The following ARHGEF40 variants were observed in gnomAD, a reference collection of about 807,000 sequenced individuals.
The protein encoded by ARHGEF40 is Rho guanine nucleotide exchange factor (GEF) 40.
In ARHGEF40, 98 loss-of-function variants were observed where a neutral mutation model predicts 165.9. That is an observed-to-expected ratio of 0.59 (90% CI 0.50 to 0.70). The LOEUF is 0.70. ARHGEF40 is among the 30% of genes least tolerant of loss of function. The pLI is 0.00. For missense variants in ARHGEF40, 1,815 were observed against 1,968.0 expected (o/e 0.92, Z 1.47); for synonymous variants, 792 against 814.3 (o/e 0.97, Z 0.47).
intron 11 of ARHGEF40, among the ~76,000 whole-genome samples, chr14:21,080,236 ACACACACACACACC>A (rs1276143253): frequency 4.3e-5 from 5 of 116,616 alleles, no homozygotes; most frequent in African/African-American, 1.5e-4. Context: ...ACACACACAC[ACACACACACACACC>A]CCTTCTGTAC....
chr14:21,073,301 A>G lies in ARHGEF40; in HGVS notation c.201+59A>G. The G allele has an allele frequency of 6.6e-7, 1 of 1,525,144 alleles. No individual in the cohort carries two copies. Among genetic ancestry groups the G allele is most frequent in the Non-Finnish European group, 8.9e-7 (1 of 1,128,762 alleles). 94.5% of individuals were successfully genotyped at this position (1,525,144 alleles called of 1,614,324 possible). A position where few individuals can be genotyped will look rare whatever the true frequency, so the allele number is the denominator to read the frequency against. ...CAAGATCCACTGCCACACTCTACAG[A>G]CTAGCCAGGCTGACTAATGCCCCCA... On this transcript the variant is annotated intron_variant, in intron 2 of 23. Transcript: ENST00000298694. The surrounding 1 kb of genome is among the most constrained non-coding windows in gnomAD (Gnocchi z 4.6).
chr14:21,081,661 C>T lies in ARHGEF40; in HGVS notation c.2793C>T (p.Ser931=). Residue 931 remains serine (S), a synonymous_variant, in exon 14 of 24, where the codon AGC becomes AGT. Transcript: ENST00000298694. ...GGGCCCTGGCCCTGGACCTGGGCAG[C>T]CCAGCAGCCCTGCGAGAATGGGGCC... is the stretch of plus-strand genomic sequence containing the variant. The part of the protein sequence containing the change: ...EMRALALDLG[S]PAALREWGRC... The T allele has an allele frequency of 1.2e-6, 2 of 1,603,336 alleles. No individual in the cohort carries two copies. Among genetic ancestry groups the T allele is most frequent in the Non-Finnish European group, 8.5e-7 (1 of 1,175,502 alleles).
rs780548792 is a variant in ARHGEF40, at chr14:21,081,797, G to A, written c.2929G>A (p.Gly977Arg). 89 of 1,599,476 alleles carry A rather than the reference G, an allele frequency of 5.6e-5. No individual in the cohort carries two copies. Among genetic ancestry groups the A allele is most frequent in the Non-Finnish European group, 7.3e-5 (86 of 1,174,408 alleles). Residue 977 changes from glycine (G) to arginine (R), a missense_variant, in exon 14 of 24, where the codon GGG becomes AGG. Gly to Arg is a moderately radical substitution (Grantham distance 125). Coordinates refer to ENST00000298694, the MANE Select transcript of ARHGEF40 (RefSeq NM_018071.5). ...RRRADGASSG[G>R]AQWGPRSPSP... ...GCGGGCAGACGGTGCCAGCAGTGGA[G>A]GGGCCCAGTGGGGGCCCCGCAGCCC...
At position 21,083,865 on chromosome 14, in the gene ARHGEF40, C is replaced by G. The variant is rs754364408; in HGVS notation, c.3604C>G (p.Arg1202Gly). The G allele has an allele frequency of 2.5e-6, 4 of 1,613,910 alleles. No individual in the cohort carries two copies. Among genetic ancestry groups the G allele is most frequent in the East Asian group, 2.2e-5 (1 of 44,872 alleles). The change falls in exon 17 of 24, where the codon CGA becomes GGA. Residue 1202 changes from arginine to glycine, a missense_variant. Coordinates refer to ENST00000298694, the MANE Select transcript of ARHGEF40 (RefSeq NM_018071.5). ...GSMEAGPYLPRALQQPLEQLT... is the reference protein window; with the variant it reads ...GSMEAGPYLPGALQQPLEQLT... ...CATGGAGGCTGGCCCTTACCTGCCCCGAGCCCTGCAGCAGCCTCTGGAACA... is the reference window on the plus strand; with the variant it reads ...CATGGAGGCTGGCCCTTACCTGCCCGGAGCCCTGCAGCAGCCTCTGGAACA...
intron 16 of ARHGEF40, among the ~76,000 whole-genome samples, chr14:21,083,204 G>A (rs1888067180): frequency 6.6e-6 from 1 of 152,142 alleles, no homozygotes; most frequent in South Asian, 2.1e-4. Context: ...GAGGATCTAA[G>A]CATCAGAAGA....
At position 21,080,751 on chromosome 14, in the gene ARHGEF40, T is replaced by C. The variant is rs376127692; in HGVS notation, c.2465T>C (p.Leu822Pro). The C allele has an allele frequency of 6.2e-6, 10 of 1,609,320 alleles. No homozygotes were observed. In the African/African-American group the frequency reaches 6.7e-5, roughly 11 times the overall value. ...TTGTCTGCCCTGCAGGAGACAGAGC[T>C]GCGATTCCGTGCTTTCAGCGCTGAG... ...DTLSALQETE[L>P]RFRAFSAEVQ... is the part of the protein sequence containing the mutation. The change falls in exon 12 of 24, where the codon CTG (leucine) becomes CCG (proline). Residue 822 changes from leucine (L) to proline (P), a missense_variant. By Grantham distance (98) the Leu-to-Pro change is moderately conservative. Coordinates refer to ENST00000298694, the MANE Select transcript of ARHGEF40 (RefSeq NM_018071.5).
rs377357188 is a variant in ARHGEF40, at chr14:21,074,379, C to A, written c.649C>A (p.Leu217Ile). Residue 217 changes from leucine (L) to isoleucine (I), a missense_variant, in exon 3 of 24, where the codon CTT becomes ATT. Leu to Ile is a conservative substitution (Grantham distance 5, BLOSUM62 2). Coordinates refer to ENST00000298694, the MANE Select transcript of ARHGEF40 (RefSeq NM_018071.5). The surrounding 1 kb of genome is among the most constrained non-coding windows in gnomAD (Gnocchi z 4.8). ...SGPPGLPSPP[L>I]PEEALGTRSP... ...ACCTCCAGGGCTTCCCAGCCCTCCA[C>A]TTCCTGAGGAGGCGCTGGGTACCCG... is the stretch of plus-strand genomic sequence containing the variant. 111 of 1,613,804 alleles carry A rather than the reference C, an allele frequency of 6.9e-5. No individual in the cohort carries two copies. Among genetic ancestry groups the A allele is most frequent in the Non-Finnish European group, 9.2e-5 (108 of 1,179,952 alleles).
chr14:21,064,647 A>C, the ARHGEF40 span, among the ~76,000 whole-genome samples: 22 of 152,334 alleles, frequency 1.4e-4, no homozygotes, highest in Admixed American at 1.4e-3. Context: ...AATTATACTT[A>C]TGCGTGGAAA....
chr14:21,086,805 G>T (rs1888368203), intron 19 of ARHGEF40, 196 bp from the exon 20 acceptor site: 1 of 556,522 alleles, frequency 1.8e-6, no homozygotes, highest in Non-Finnish European at 3.2e-6. Flanking sequence ...TATCTGAGGA[G>T]GAAGTCACAC....
At chr14:21,071,978 T>C (rs771138859) in intron 1 of ARHGEF40, among the ~76,000 whole-genome samples, 2 of 152,106 alleles carry the variant, frequency 1.3e-5, no homozygotes, top group African/African-American at 2.4e-5. Context: ...TTTTGTTTTA[T>C]GGCAAAGGCA....
At chr14:21,071,662 T>C (rs1227312324) in intron 1 of ARHGEF40, among the ~76,000 whole-genome samples, 1 of 143,474 alleles carries the variant, frequency 7.0e-6, no homozygotes, top group South Asian at 2.6e-4. Context: ...CGCTCAGCCA[T>C]GAGCTCACCG....
At position 21,078,948 on chromosome 14, in the gene ARHGEF40, C is replaced by G; in HGVS notation, c.2311C>G (p.Arg771Gly). 1 of 1,614,126 alleles carries G rather than the reference C, an allele frequency of 6.2e-7. No individual in the cohort carries two copies. The highest frequency in any genetic ancestry group is 8.5e-7 in the Non-Finnish European group (1 of 1,179,976). Residue 771 changes from arginine to glycine, a missense_variant, in exon 11 of 24, where the codon CGC becomes GGC. Coordinates refer to ENST00000298694, the MANE Select transcript of ARHGEF40 (RefSeq NM_018071.5). Reference protein sequence around the residue: ...EVDEAIHQLVRLSNLHVQQQE... With the variant: ...EVDEAIHQLVGLSNLHVQQQE... ...GGACGAGGCCATTCACCAGCTTGTG[C>G]GCCTCTCCAACCTGCACGTGCAGCA...
In ARHGEF40 at chr14:21,088,186, T is replaced by C. The variant is rs574233030; in HGVS notation, c.4518+88T>C. ...TTCTGATCATTCAACCCCAGGGGGG[T>C]TGGGGGAAAACTGTGAACTTGTGCT... On this transcript the variant is annotated intron_variant, in intron 22 of 23. Transcript: ENST00000298694. 31 of 1,477,808 alleles carry C rather than the reference T, an allele frequency of 2.1e-5. No homozygotes were observed. The East Asian group carries it at 7.4e-4, about 35-fold the overall frequency. 91.5% of individuals were successfully genotyped at this position (1,477,808 alleles called of 1,614,324 possible). A position where few individuals can be genotyped will look rare whatever the true frequency, so the allele number is the denominator to read the frequency against.
chr14:21,084,037 T>C lies in ARHGEF40; in HGVS notation c.3776T>C (p.Val1259Ala). Residue 1259 changes from valine (V) to alanine (A), a missense_variant, in exon 17 of 24, where the codon GTG becomes GCG. Physicochemically the swap from Val to Ala is moderately conservative, Grantham distance 64 (BLOSUM62 0). Coordinates refer to ENST00000298694, the MANE Select transcript of ARHGEF40 (RefSeq NM_018071.5). ...RGRDLLAVEA[V>A]RGCEIDLKEQ... ...AGAGACCTGCTGGCCGTGGAGGCGG[T>C]GCGTGGCTGTGAGGTGAGGCCCTAG... 1 of 1,607,494 alleles carries C rather than the reference T, an allele frequency of 6.2e-7. No individual in the cohort carries two copies. The highest frequency in any genetic ancestry group is 8.5e-7 in the Non-Finnish European group (1 of 1,177,860).
rs79621700 is a variant in ARHGEF40, at chr14:21,071,981, C to A, written c.4-1064C>A. Reference sequence around the variant, plus strand: ...AAAAATAAGCTATTTTGTTTTATGGCAAAGGCAAGGTATGGGGGTAGGGAA... The same window carrying A: ...AAAAATAAGCTATTTTGTTTTATGGAAAAGGCAAGGTATGGGGGTAGGGAA... On this transcript the variant is annotated intron_variant, in intron 1 of 23. Transcript: ENST00000298694. Among the ~76,000 whole-genome samples the A allele has an allele frequency of 4.7e-3, 711 of 152,186 alleles. 2 individuals carry two copies. Among genetic ancestry groups the A allele is most frequent in the Middle Eastern group, 0.01 (3 of 294 alleles).
In ARHGEF40 at chr14:21,073,310, G is replaced by T; in HGVS notation, c.201+68G>T. The T allele has an allele frequency of 6.7e-7, 1 of 1,486,268 alleles. No individual in the cohort carries two copies. The highest frequency in any genetic ancestry group is 9.1e-7 in the Non-Finnish European group (1 of 1,098,424). 92.1% of individuals were successfully genotyped at this position (1,486,268 alleles called of 1,614,324 possible). A position where few individuals can be genotyped will look rare whatever the true frequency, so the allele number is the denominator to read the frequency against. On this transcript the variant is annotated intron_variant, in intron 2 of 23. Coordinates refer to ENST00000298694, the MANE Select transcript of ARHGEF40 (RefSeq NM_018071.5). The surrounding 1 kb of genome is among the most constrained non-coding windows in gnomAD (Gnocchi z 4.6). ...CTGCCACACTCTACAGACTAGCCAG[G>T]CTGACTAATGCCCCCACTAACCTAG...
chr14:21,087,339 CG>C lies in ARHGEF40; in HGVS notation c.4264del (p.Val1422TrpfsTer80). ...TGRAARTRAS[V>X]AVSSFEHAGP... ...CTGCAGCCGCCCGCACCCGGGCCTCCGTGGCCGTGTCATCCTTTGAGCATGC... is the reference window on the plus strand; with the variant it reads ...CTGCAGCCGCCCGCACCCGGGCCTCCTGGCCGTGTCATCCTTTGAGCATGC... On this transcript the variant is annotated frameshift_variant, in exon 21 of 24. Transcript: ENST00000298694. LOFTEE classifies it high-confidence loss of function. The C allele has an allele frequency of 6.2e-7, 1 of 1,606,514 alleles. No individual in the cohort carries two copies. Among genetic ancestry groups the C allele is most frequent in the South Asian group, 1.1e-5 (1 of 91,046 alleles).
chr14:21,089,008 T>G lies in ARHGEF40; in HGVS notation c.*6-6T>G. On this transcript the variant is annotated splice_region_variant and splice_polypyrimidine_tract_variant and intron_variant, in intron 23 of 23. Coordinates refer to ENST00000298694, the MANE Select transcript of ARHGEF40 (RefSeq NM_018071.5). ...ACTCATCTCCCTCTTCTCTCCTGGC[T>G]TCTAGAGAAGATCCAGAACTTGCGT... 1 of 908,522 alleles carries G rather than the reference T, an allele frequency of 1.1e-6. No individual in the cohort carries two copies. The highest frequency in any genetic ancestry group is 2.8e-5 in the East Asian group (1 of 35,934). The allele number at this position is 908,522 out of a possible 1,614,324, so 56.3% of individuals were successfully genotyped here. A position where few individuals can be genotyped will look rare whatever the true frequency, so the allele number is the denominator to read the frequency against.
In ARHGEF40 at chr14:21,074,774, C is replaced by T; in HGVS notation, c.1044C>T (p.Cys348=). Residue 348 remains cysteine, a synonymous_variant, in exon 3 of 24, where the codon TGC becomes TGT. Transcript: ENST00000298694. The surrounding 1 kb of genome is among the most constrained non-coding windows in gnomAD (Gnocchi z 4.8). ...AEAVGEASGS[C]PLRPGELRGG... ...CTGTGGGAGAAGCCTCCGGATCTTGCCCCCTGAGGCCAGGGGAGCTTAGAG... is the reference window on the plus strand; with the variant it reads ...CTGTGGGAGAAGCCTCCGGATCTTGTCCCCTGAGGCCAGGGGAGCTTAGAG... The T allele has an allele frequency of 6.2e-7, 1 of 1,608,898 alleles. No homozygotes were observed. Among genetic ancestry groups the T allele is most frequent in the South Asian group, 1.1e-5 (1 of 90,720 alleles).
Sources: gnomAD v4.1 joint callset for allele counts (sites outside exome capture counted in the v4.1 genomes callset) on GRCh38, gnomAD v4.1.1 for gene constraint, Gnocchi (gnomAD v3.1) non-coding constraint, MANE v1.5 for transcripts, NCBI Gene and HGNC (gene_info 2026-07-23, HGNC 2026-07-21) for gene names.